GPR89A: variants seen among roughly 807,000 people sequenced by gnomAD.
GPR89A encodes the protein golgi pH regulator A, also known as G protein-coupled receptor 89A.
GPR89A carries 16 observed loss-of-function variants against 52.0 expected under a neutral mutation model. The observed-to-expected ratio is 0.31, with a 90% CI of 0.21 to 0.47. The LOEUF is 0.47. Ranked by LOEUF, GPR89A falls within the 20% of genes least tolerant of loss-of-function variation. The pLI, the probability that GPR89A is intolerant of heterozygous loss-of-function variation, is 1.00. For missense variants in GPR89A, 135 were observed against 449.4 expected, an observed-to-expected ratio of 0.30 and a Z score of 6.33; for synonymous variants, 55 against 150.9, an observed-to-expected ratio of 0.36 and a Z score of 4.66.
intron 10 of GPR89A, among the ~76,000 whole-genome samples, chr1:145,648,953 T>A (rs1356165590): frequency 6.6e-6 from 1 of 151,718 alleles, no homozygotes; most frequent in Non-Finnish European, 1.5e-5. Flanking sequence ...TACAGGTGTG[T>A]GCCACAATGC....
intron 10 of GPR89A, among the ~76,000 whole-genome samples, chr1:145,663,006 AT>A (rs1476618318): frequency 6.6e-6 from 1 of 152,106 alleles, no homozygotes; most frequent in African/African-American, 2.4e-5. Flanking sequence ...TTACCCTGGG[AT>A]TTCTTGATTC....
chr1:145,619,116 A>T (rs1480053305), intron 3 of GPR89A, among the ~76,000 whole-genome samples: 3 of 152,156 alleles, frequency 2.0e-5, no homozygotes, highest in East Asian at 3.8e-4. Flanking sequence ...ACCTTTTAGG[A>T]GTAAAGCAGT....
At position 145,646,872 on chromosome 1, in the gene GPR89A, C is replaced by T. The variant is rs587675087; in HGVS notation, c.817-303C>T. The T allele has an allele frequency of 2.6e-3, 909 of 353,080 alleles. 3 individuals carry two copies. Among genetic ancestry groups the T allele is most frequent in the South Asian group, 8.5e-3 (316 of 37,242 alleles). 21.9% of individuals were successfully genotyped at this position (353,080 alleles called of 1,614,324 possible). A position where few individuals can be genotyped will look rare whatever the true frequency, so the allele number is the denominator to read the frequency against. On this transcript the variant is annotated intron_variant, in intron 9 of 13. Coordinates refer to ENST00000313835, the MANE Select transcript of GPR89A (RefSeq NM_001097612.2). Reference sequence around the variant, plus strand: ...TACTCACCAGCTGTGTGACTTTGAGCAAGTTATCGAACCTCTCAAAGCCTC... The same window carrying T: ...TACTCACCAGCTGTGTGACTTTGAGTAAGTTATCGAACCTCTCAAAGCCTC...
chr1:145,653,980 T>C (rs1165497836), intron 10 of GPR89A, among the ~76,000 whole-genome samples: 1 of 152,024 alleles, frequency 6.6e-6, no homozygotes, highest in African/African-American at 2.4e-5. Flanking sequence ...GTTAAAATTG[T>C]TATGTGTGAT....
intron 10 of GPR89A, among the ~76,000 whole-genome samples, chr1:145,653,954 C>G (rs59340140): frequency 0.04 from 6,017 of 151,314 alleles, 315 homozygotes; most frequent in African/African-American, 0.14. Context: ...GGGCATTTAG[C>G]CCATTTACAT....
intron 3 of GPR89A, among the ~76,000 whole-genome samples, chr1:145,619,441 C>G (rs587745959): frequency 2.2e-4 from 33 of 151,508 alleles, no homozygotes; most frequent in African/African-American, 8.0e-4. Flanking sequence ...GAGACCCTGT[C>G]TCTACAAAAA....
At chr1:145,654,200 C>G (rs1322418854) in intron 10 of GPR89A, among the ~76,000 whole-genome samples, 1 of 152,102 alleles carries the variant, frequency 6.6e-6, no homozygotes. Flanking sequence ...TTTTATTTCT[C>G]CTTCACTTAT....
At chr1:145,648,916 TG>T (rs1229740705) in intron 10 of GPR89A, among the ~76,000 whole-genome samples, 5,954 of 150,170 alleles carry the variant, frequency 0.04, 315 homozygotes, top group African/African-American at 0.14. Flanking sequence ...GTGATTCCCC[TG>T]CCTTAGGCTC....
Position 145,623,048 on chromosome 1 carries a change from T to A in GPR89A, c.207-6T>A. On this transcript the variant is annotated splice_region_variant and splice_polypyrimidine_tract_variant and intron_variant, in intron 3 of 13. Coordinates refer to ENST00000313835, the MANE Select transcript of GPR89A (RefSeq NM_001097612.2). ...TCCCAGTGACAGTCTTTGACATTTA[T>A]TTCAGCTCCCGTTATTTTCACTGGA... The A allele has an allele frequency of 6.2e-7, 1 of 1,607,012 alleles. No homozygotes were observed. The highest frequency in any genetic ancestry group is 8.5e-7 in the Non-Finnish European group (1 of 1,175,794).
chr1:145,660,399 C>T (rs1435371302), intron 10 of GPR89A, among the ~76,000 whole-genome samples: 1 of 152,128 alleles, frequency 6.6e-6, no homozygotes, highest in Non-Finnish European at 1.5e-5. Flanking sequence ...TGGGCAAGGA[C>T]TTCATGTCTA....
intron 10 of GPR89A, among the ~76,000 whole-genome samples, chr1:145,656,828 C>T: frequency 6.6e-6 from 1 of 151,156 alleles, no homozygotes; most frequent in Middle Eastern, 3.4e-3. Flanking sequence ...TAGGTTTTCC[C>T]TAGATGCCCT....
chr1:145,611,576 A>T (rs1648283542), intron 1 of GPR89A: 1 of 151,984 alleles, frequency 6.6e-6, no homozygotes. Flanking sequence ...GGAGGCCACA[A>T]TGAAATATTA....
chr1:145,649,750 A>G (rs1377863749), intron 10 of GPR89A, among the ~76,000 whole-genome samples: 1 of 149,464 alleles, frequency 6.7e-6, no homozygotes, highest in Non-Finnish European at 1.5e-5. Context: ...AAATTGTATC[A>G]TTTACATTTC....
chr1:145,654,577 T>G (rs1166011310), intron 10 of GPR89A, among the ~76,000 whole-genome samples: 2 of 124,866 alleles, frequency 1.6e-5, no homozygotes, highest in Non-Finnish European at 3.4e-5. Context: ...AAAAACAGAA[T>G]GTTGAATATT....
At chr1:145,612,497 C>T (rs1392180015) in intron 1 of GPR89A, among the ~76,000 whole-genome samples, 1 of 152,134 alleles carries the variant, frequency 6.6e-6, no homozygotes, top group Non-Finnish European at 1.5e-5. Flanking sequence ...ATTTTGGAGT[C>T]AAACAAGCTT....
At chr1:145,620,987 G>A (rs2101747046) in intron 3 of GPR89A, among the ~76,000 whole-genome samples, 1 of 152,280 alleles carries the variant, frequency 6.6e-6, no homozygotes, top group East Asian at 1.9e-4. Flanking sequence ...TTGCCTGGAG[G>A]ATGTCCAGCT....
chr1:145,669,118 T>C (rs1652775052), intron 12 of GPR89A, among the ~76,000 whole-genome samples: 1 of 152,276 alleles, frequency 6.6e-6, no homozygotes, highest in Non-Finnish European at 1.5e-5. Flanking sequence ...AAGCCTGAAT[T>C]CATCTATTTT....
At chr1:145,625,092 ACT>A (rs200366104) in intron 5 of GPR89A, among the ~76,000 whole-genome samples, 20,056 of 152,098 alleles carry the variant, frequency 0.13, 1,707 homozygotes, top group Non-Finnish European at 0.19. Flanking sequence ...AGGTTATGAG[ACT>A]CTCCTGCAGT....
intron 10 of GPR89A, among the ~76,000 whole-genome samples, chr1:145,650,993 T>C (rs1651412522): frequency 6.6e-6 from 1 of 151,620 alleles, no homozygotes; most frequent in Non-Finnish European, 1.5e-5. Context: ...AGCTCTTTAG[T>C]TTAATTAGAT....
Sources: gnomAD v4.1 joint callset for allele counts (sites outside exome capture counted in the v4.1 genomes callset) on GRCh38, gnomAD v4.1.1 for gene constraint, MANE v1.5 for transcripts, NCBI Gene and HGNC (gene_info 2026-07-23, HGNC 2026-07-21) for gene names.